FUT9: variants seen among roughly 807,000 people sequenced by gnomAD.
FUT9 encodes 4-galactosyl-N-acetylglucosaminide 3-alpha-L-fucosyltransferase 9.
FUT9 carries 15 observed loss-of-function variants against 29.7 expected under a neutral mutation model. The observed-to-expected ratio is 0.51, with a 90% CI of 0.34 to 0.78. FUT9 has a LOEUF of 0.78. FUT9 is among the 30% of genes least tolerant of loss of function. The pLI is 0.01. For missense variants in FUT9, 319 were observed against 425.4 expected (o/e 0.75, Z 2.20); for synonymous variants, 169 against 153.7 (o/e 1.10, Z -0.74).
chr6:96,056,409 T>C (rs1244103526), intron 1 of FUT9, among the ~76,000 whole-genome samples: 1 of 152,240 alleles, frequency 6.6e-6, no homozygotes, highest in Non-Finnish European at 1.5e-5. Flanking sequence ...CAAACAGGCA[T>C]ATCTGCTTTT....
rs572034497 is a variant in FUT9, at chr6:96,115,491, C to T, written c.-9+1364C>T. Among the ~76,000 whole-genome samples the T allele has an allele frequency of 5.9e-5, 9 of 152,236 alleles. No individual in the cohort carries two copies. The East Asian group carries it at 1.7e-3, about 29-fold the overall frequency. On this transcript the variant is annotated intron_variant, in intron 2 of 2. Transcript: ENST00000302103. Reference sequence around the variant, plus strand: ...AAGTAGATTCACAAACCCAAATTGTCCTACAAACATTTAAAAGTGTTCCAA... The same window carrying T: ...AAGTAGATTCACAAACCCAAATTGTTCTACAAACATTTAAAAGTGTTCCAA...
chr6:96,144,564 GGA>G (rs1772529541), intron 2 of FUT9, among the ~76,000 whole-genome samples: 1 of 152,178 alleles, frequency 6.6e-6, no homozygotes, highest in African/African-American at 2.4e-5. Flanking sequence ...GGGCTATAAA[GGA>G]GGAAATCTGC....
At chr6:96,066,803 C>T (rs749713623) in intron 1 of FUT9, among the ~76,000 whole-genome samples, 2 of 152,012 alleles carry the variant, frequency 1.3e-5, no homozygotes, top group Non-Finnish European at 2.9e-5. Context: ...AAAGATTTTC[C>T]TCGTTCTCCT....
chr6:96,159,264 TGAA>T (rs2127979296), intron 2 of FUT9, among the ~76,000 whole-genome samples: 1 of 152,252 alleles, frequency 6.6e-6, no homozygotes, highest in East Asian at 1.9e-4. Context: ...AAGTGATTTT[TGAA>T]TCAACAGAGA....
At chr6:96,043,244 G>A (rs1213842168) in intron 1 of FUT9, among the ~76,000 whole-genome samples, 1 of 152,088 alleles carries the variant, frequency 6.6e-6, no homozygotes, top group Non-Finnish European at 1.5e-5. Flanking sequence ...GTAGAGACGG[G>A]GTTTCACCGT....
At chr6:96,053,471 G>A (rs1770708746) in intron 1 of FUT9, among the ~76,000 whole-genome samples, 1 of 152,172 alleles carries the variant, frequency 6.6e-6, no homozygotes, top group African/African-American at 2.4e-5. Context: ...CACTTTGGGA[G>A]GCCGAGGCAG....
intron 1 of FUT9, among the ~76,000 whole-genome samples, chr6:96,055,468 T>G (rs572080159): frequency 1.3e-5 from 2 of 152,068 alleles, no homozygotes; most frequent in South Asian, 4.1e-4. Context: ...AGATTATATT[T>G]AGTATATGCA....
chr6:96,193,001 T>C (rs1562159728), intron 2 of FUT9, among the ~76,000 whole-genome samples: 1 of 151,908 alleles, frequency 6.6e-6, no homozygotes, highest in Non-Finnish European at 1.5e-5. Context: ...GCTAGCCATA[T>C]GAAGAAACCT....
At chr6:96,099,090 T>C (rs138282683) in intron 1 of FUT9, among the ~76,000 whole-genome samples, 14 of 152,266 alleles carry the variant, frequency 9.2e-5, no homozygotes, top group African/African-American at 3.4e-4. Context: ...TAAATATTTG[T>C]CAAACAGATG....
chr6:96,136,049 G>C (rs1375368642), intron 2 of FUT9, among the ~76,000 whole-genome samples: 1 of 151,044 alleles, frequency 6.6e-6, no homozygotes, highest in Non-Finnish European at 1.5e-5. Flanking sequence ...AAGATCAAAA[G>C]GAAATCATGT....
At chr6:96,186,626 G>A (rs1773411031) in intron 2 of FUT9, among the ~76,000 whole-genome samples, 1 of 152,084 alleles carries the variant, frequency 6.6e-6, no homozygotes, top group Admixed American at 6.6e-5. Flanking sequence ...ACACGATTAT[G>A]ACAGCTAAAA....
chr6:96,113,223 T>C (rs1043983462), intron 1 of FUT9, among the ~76,000 whole-genome samples: 9 of 152,252 alleles, frequency 5.9e-5, no homozygotes, highest in African/African-American at 2.2e-4. Context: ...TTATTATATA[T>C]TGTAACCATT....
chr6:96,113,431 G>T (rs1346507939), intron 1 of FUT9, among the ~76,000 whole-genome samples: 2 of 151,734 alleles, frequency 1.3e-5, no homozygotes, highest in African/African-American at 4.8e-5. Flanking sequence ...TAGAGACGGG[G>T]TTTCACCATG....
At chr6:96,140,286 T>G (rs1242006410) in intron 2 of FUT9, among the ~76,000 whole-genome samples, 1 of 152,158 alleles carries the variant, frequency 6.6e-6, no homozygotes, top group Non-Finnish European at 1.5e-5. Flanking sequence ...GCCATTTAAG[T>G]CTCTAGGAAG....
chr6:96,121,391 G>C (rs1772024180), intron 2 of FUT9, among the ~76,000 whole-genome samples: 1 of 152,082 alleles, frequency 6.6e-6, no homozygotes, highest in Admixed American at 6.5e-5. Context: ...TATTTTTAGA[G>C]ACTATCATTT....
intron 1 of FUT9, among the ~76,000 whole-genome samples, chr6:96,020,601 A>T (rs1692910083): frequency 7.9e-6 from 1 of 127,024 alleles, no homozygotes; most frequent in Non-Finnish European, 1.5e-5. Context: ...ATTACTGCGT[A>T]AAAAAATAAG....
intron 1 of FUT9, among the ~76,000 whole-genome samples, chr6:96,092,239 T>C (rs1432748359): frequency 6.6e-6 from 1 of 152,128 alleles, no homozygotes; most frequent in East Asian, 1.9e-4. Flanking sequence ...GAATTAGAGC[T>C]GTATAAATCT....
intron 2 of FUT9, among the ~76,000 whole-genome samples, chr6:96,178,340 C>G (rs1773243154): frequency 6.6e-6 from 1 of 152,076 alleles, no homozygotes; most frequent in Admixed American, 6.6e-5. Flanking sequence ...AGGGGAGACA[C>G]TGTATTATGG....
intron 1 of FUT9, among the ~76,000 whole-genome samples, chr6:96,067,369 T>G (rs1212792821): frequency 2.0e-5 from 3 of 150,934 alleles, no homozygotes; most frequent in Admixed American, 6.6e-5. Context: ...TTGTGTACTT[T>G]GTCAAGAAGT....
Sources: gnomAD v4.1 joint callset for allele counts (sites outside exome capture counted in the v4.1 genomes callset) on GRCh38, gnomAD v4.1.1 for gene constraint, MANE v1.5 for transcripts, NCBI Gene and HGNC (gene_info 2026-07-23, HGNC 2026-07-21) for gene names.